The following MTA1 variants were observed in gnomAD, a reference collection of about 807,000 sequenced individuals.
MTA1 encodes the protein metastasis associated 1, also known as metastasis-associated protein MTA1.
In MTA1, 15 loss-of-function variants were observed where a neutral mutation model predicts 97.0. That is an observed-to-expected ratio of 0.15 (90% CI 0.10 to 0.24). The LOEUF (loss-of-function observed/expected upper bound fraction) is 0.24, where lower values mean the gene tolerates loss of function less well. MTA1 is among the 10% of genes least tolerant of loss of function. The pLI, the probability that MTA1 is intolerant of heterozygous loss-of-function variation, is 1.00. For missense variants in MTA1, 709 were observed against 1,015.1 expected (o/e 0.70, Z 4.10); for synonymous variants, 435 against 417.5 (o/e 1.04, Z -0.51).
chr14:105,430,166 C>T (rs191549619), intron 1 of MTA1, among the ~76,000 whole-genome samples: 2 of 152,296 alleles, frequency 1.3e-5, no homozygotes, highest in African/African-American at 4.8e-5. Context: ...GACAGGCCTT[C>T]CTAACTAAGC....
At chr14:105,458,511 C>T (rs1185229864) in intron 8 of MTA1, 139 bp downstream of exon 8, 1 of 735,790 alleles carries the variant, frequency 1.4e-6, no homozygotes, top group African/African-American at 1.7e-5. Flanking sequence ...AGCCCTGAGA[C>T]CCCCGGTAGC....
At chr14:105,451,179 A>G (rs1567026871) in intron 6 of MTA1, among the ~76,000 whole-genome samples, 2 of 152,184 alleles carry the variant, frequency 1.3e-5, no homozygotes, top group African/African-American at 4.8e-5. Flanking sequence ...TGTCGTGGCC[A>G]TCGGCGCTCT....
intron 1 of MTA1, among the ~76,000 whole-genome samples, chr14:105,438,461 C>T (rs997490040): frequency 4.6e-5 from 7 of 152,308 alleles, no homozygotes; most frequent in African/African-American, 1.4e-4. Flanking sequence ...ATCTCCCTGT[C>T]CCTGACCCAG....
In MTA1 at chr14:105,463,841, G is replaced by A; in HGVS notation, c.1077-191G>A. The A allele has an allele frequency of 3.0e-6, 2 of 664,660 alleles. No individual in the cohort carries two copies. The allele number at this position is 664,660 out of a possible 1,614,324, so 41.2% of individuals were successfully genotyped here. On this transcript the variant is annotated intron_variant, in intron 12 of 20. Transcript: ENST00000331320. The surrounding 1 kb of genome is among the most constrained non-coding windows in gnomAD (Gnocchi z 5.9). ...CATGCTAGGGGGAGCACGGGGGCCT[G>A]GAGAACGGCTCAGACCTCAGCAGTG...
intron 10 of MTA1, among the ~76,000 whole-genome samples, chr14:105,462,337 G>A (rs111916124): frequency 4.6e-5 from 7 of 152,306 alleles, no homozygotes; most frequent in East Asian, 1.9e-4. Context: ...TTGGGAGGCC[G>A]AGGCAGGAGG....
intron 1 of MTA1, among the ~76,000 whole-genome samples, chr14:105,421,495 C>T (rs2081834767): frequency 6.6e-6 from 1 of 152,232 alleles, no homozygotes; most frequent in Non-Finnish European, 1.5e-5. Context: ...AGAGCTCTCC[C>T]TGCCCCCACC....
At position 105,420,188 on chromosome 14, in the gene MTA1, G is replaced by A; in HGVS notation, c.28+125G>A. 2 of 437,230 alleles carry A rather than the reference G, an allele frequency of 4.6e-6. No homozygotes were observed. Among genetic ancestry groups the A allele is most frequent in the Non-Finnish European group, 6.0e-6 (2 of 331,544 alleles). 27.1% of individuals were successfully genotyped at this position (437,230 alleles called of 1,614,324 possible). A position where few individuals can be genotyped will look rare whatever the true frequency, so the allele number is the denominator to read the frequency against. On this transcript the variant is annotated intron_variant, in intron 1 of 20. Coordinates refer to ENST00000331320, the MANE Select transcript of MTA1 (RefSeq NM_004689.4). This position sits in a 1 kb window ranked among gnomAD's most constrained non-coding sequence, Gnocchi z 5.3. ...CCCCCCGCCCGCCCTCGCGGCCCCC[G>A]GCTCCTTCCCGAACCGCCCCCCGCC...
intron 13 of MTA1, 63 bp from the exon 14 acceptor site, chr14:105,464,353 G>A: frequency 6.3e-7 from 1 of 1,593,984 alleles, no homozygotes; most frequent in South Asian, 1.1e-5. Context: ...GGGTGGCGGG[G>A]AATACTCTGA....
chr14:105,465,971 T>C (rs2083564532), intron 16 of MTA1: 2 of 193,992 alleles, frequency 1.0e-5, no homozygotes, highest in Non-Finnish European at 2.1e-5. Context: ...TGGGAAGAGG[T>C]GGCTGGTGTC....
chr14:105,462,184 C>T (rs1185629579), intron 10 of MTA1, among the ~76,000 whole-genome samples: 5 of 152,226 alleles, frequency 3.3e-5, no homozygotes, highest in Non-Finnish European at 5.9e-5. Context: ...GGGGCTGTGT[C>T]GAGGGAGCAG....
Position 105,463,434 on chromosome 14 carries a change from C to T in MTA1, c.1018-59C>T. ...CTCTCCGTAGCCTCCAGCCTGTCTG[C>T]ACTGCAGCCCCAACCTGGGCCTAGC... is the stretch of plus-strand genomic sequence containing the variant. On this transcript the variant is annotated intron_variant, in intron 11 of 20. Transcript: ENST00000331320. This position sits in a 1 kb window ranked among gnomAD's most constrained non-coding sequence, Gnocchi z 5.9. The T allele has an allele frequency of 1.3e-6, 2 of 1,585,264 alleles. No individual in the cohort carries two copies. Among genetic ancestry groups the T allele is most frequent in the Non-Finnish European group, 1.7e-6 (2 of 1,155,056 alleles).
In MTA1 at chr14:105,450,064, T is replaced by C. The variant is rs782476446; in HGVS notation, c.248T>C (p.Ile83Thr). 8 of 1,613,248 alleles carry C rather than the reference T, an allele frequency of 5.0e-6. No individual in the cohort carries two copies. Among genetic ancestry groups the C allele is most frequent in the Non-Finnish European group, 5.9e-6 (7 of 1,179,834 alleles). Reference sequence around the variant, plus strand: ...GGGGCTCCTTGTCCTTCAGGGGAAATAGAAGAGGAAATGGAGAACCCGGAA... The same window carrying C: ...GGGGCTCCTTGTCCTTCAGGGGAAACAGAAGAGGAAATGGAGAACCCGGAA... ...PGADNGEEGEIEEEMENPEMV... is the reference protein window; with the variant it reads ...PGADNGEEGETEEEMENPEMV... Residue 83 changes from isoleucine (I) to threonine (T), a missense_variant, in exon 5 of 21, where the codon ATA becomes ACA. By Grantham distance (89) the Ile-to-Thr change is moderately conservative. Transcript: ENST00000331320.
In MTA1 at chr14:105,464,775, C is replaced by T; in HGVS notation, c.1446C>T (p.Ala482=). The change falls in exon 15 of 21, where the codon GCC becomes GCT. Residue 482 remains alanine (A), a synonymous_variant. Coordinates refer to ENST00000331320, the MANE Select transcript of MTA1 (RefSeq NM_004689.4). ...ACACGACGAAGCTGACGCGGATCGC[C>T]CGGCGCCTGTGCCGTGAGATCCTGC... is the stretch of plus-strand genomic sequence containing the variant. ...YLHTTKLTRI[A]RRLCREILRP... 1 of 1,608,644 alleles carries T rather than the reference C, an allele frequency of 6.2e-7. No individual in the cohort carries two copies.
chr14:105,426,360 C>T (rs1461145078), intron 1 of MTA1, among the ~76,000 whole-genome samples: 3 of 122,262 alleles, frequency 2.5e-5, no homozygotes, highest in African/African-American at 9.4e-5. Context: ...GGTGACAGAG[C>T]GAGACTTCGT....
Position 105,419,997 on chromosome 14 carries a change from G to A in MTA1, c.-39G>A, listed in dbSNP as rs1250377949. 5 of 997,176 alleles carry A rather than the reference G, an allele frequency of 5.0e-6. No individual in the cohort carries two copies. The African/African-American group carries it at 5.5e-5, about 11-fold the overall frequency. 61.8% of individuals were successfully genotyped at this position (997,176 alleles called of 1,614,324 possible). ...TTCCCGGCCGCCCGCGCCGAGCGCC[G>A]CGCCCGCCCCGGGCCCCTCCGCCGC... On this transcript the variant is annotated 5_prime_UTR_variant, in exon 1 of 21. Transcript: ENST00000331320.
intron 10 of MTA1, among the ~76,000 whole-genome samples, chr14:105,462,077 CAG>C (rs1385640706): frequency 1.3e-5 from 2 of 151,784 alleles, no homozygotes; most frequent in Non-Finnish European, 2.9e-5. Flanking sequence ...AGGCAGCGCT[CAG>C]GGGACTGCGG....
At chr14:105,449,222 A>G (rs1357659377) in intron 3 of MTA1, 137 bp from the exon 4 acceptor site, 3 of 756,232 alleles carry the variant, frequency 4.0e-6, no homozygotes, top group Non-Finnish European at 6.1e-6. Context: ...GGTGGTCTTC[A>G]CGCCCCACCG....
intron 1 of MTA1, 67 bp from the exon 2 acceptor site, chr14:105,438,605 C>A: frequency 6.9e-7 from 1 of 1,457,142 alleles, no homozygotes; most frequent in Non-Finnish European, 9.6e-7. Flanking sequence ...GTCCCTGGGC[C>A]ACGGGAGGTG....
intron 1 of MTA1, among the ~76,000 whole-genome samples, chr14:105,437,534 A>G (rs1555424698): frequency 1.3e-5 from 2 of 151,690 alleles, no homozygotes; most frequent in African/African-American, 4.9e-5. Flanking sequence ...CAGGGGCATG[A>G]GCCTGCAGGT....
Sources: gnomAD v4.1 joint callset for allele counts (sites outside exome capture counted in the v4.1 genomes callset) on GRCh38, gnomAD v4.1.1 for gene constraint, Gnocchi (gnomAD v3.1) non-coding constraint, MANE v1.5 for transcripts, NCBI Gene and HGNC (gene_info 2026-07-23, HGNC 2026-07-21) for gene names.